The following MRNIP variants were observed in gnomAD, a reference collection of about 807,000 sequenced individuals.
MRNIP encodes the protein MRN complex interacting protein.
A neutral mutation model predicts 29.8 loss-of-function variants in MRNIP; 30 were observed. The ratio of observed to expected loss-of-function variants is 1.01; its 90% CI spans 0.75 to 1.36. MRNIP has a LOEUF of 1.36. Among genes scored for constraint, MRNIP ranks in the 40% most tolerant of loss-of-function variants. MRNIP has a pLI of 0.00. For missense variants in MRNIP, 459 were observed against 423.5 expected (o/e 1.08, Z -0.74); for synonymous variants, 201 against 164.1 (o/e 1.23, Z -1.72).
intron 2 of MRNIP, among the ~76,000 whole-genome samples, chr5:179,849,561 T>A (rs1464337613): frequency 1.3e-3 from 121 of 94,012 alleles, no homozygotes; most frequent in Middle Eastern, 9.6e-3. Flanking sequence ...ATGGAATTTG[T>A]GACCATGGGT....
At chr5:179,837,947 G>A (rs1358652562) in intron 6 of MRNIP, 62 bp from the exon 7 acceptor site, 24 of 1,491,194 alleles carry the variant, frequency 1.6e-5, no homozygotes, top group East Asian at 2.3e-5. Flanking sequence ...CAGGAGGACC[G>A]CCTGCCCTGC....
rs906905748 is a variant in MRNIP, at chr5:179,843,018, C to T, written c.292-954G>A. On this transcript the variant is annotated intron_variant, in intron 4 of 6. Coordinates refer to ENST00000292586, the MANE Select transcript of MRNIP (RefSeq NM_016175.4). ...ACTGCACTCCGGCTGGGGGACACAG[C>T]GAGACTCTGTCGAAAGGAGGAAAGA... Among the ~76,000 whole-genome samples the T allele has an allele frequency of 2.3e-4, 24 of 104,880 alleles. No homozygotes were observed. In the East Asian group the frequency reaches 4.4e-3, roughly 19 times the overall value. The allele number at this position is 104,880 out of a possible 152,430, so 68.8% of individuals were successfully genotyped here.
rs1249572435 is a variant in MRNIP, at chr5:179,844,173, C to T, written c.270G>A (p.Gln90=). The T allele has an allele frequency of 6.2e-7, 1 of 1,614,072 alleles. No homozygotes were observed. The highest frequency in any genetic ancestry group is 1.3e-5 in the African/African-American group (1 of 74,938). Residue 90 remains glutamine (Q), a synonymous_variant, in exon 4 of 7, where the codon CAG becomes CAA. Transcript: ENST00000292586. The part of the protein sequence containing the change: ...ASEEENVGHQ[Q]AGNVKQQEKS... ...TTACCTGCTGCTTCACATTCCCAGCCTGCTGGTGTCCCACGTTTTCTTCTT... is the reference window on the plus strand; with the variant it reads ...TTACCTGCTGCTTCACATTCCCAGCTTGCTGGTGTCCCACGTTTTCTTCTT...
chr5:179,845,128 G>C (rs905758808), intron 3 of MRNIP, among the ~76,000 whole-genome samples: 1 of 151,988 alleles, frequency 6.6e-6, no homozygotes, highest in Non-Finnish European at 1.5e-5. Flanking sequence ...TAATTTTCTA[G>C]ATTTATCTTC....
Position 179,844,222 on chromosome 5 carries a change from A to G in MRNIP, c.221T>C (p.Leu74Pro). 1 of 1,613,826 alleles carries G rather than the reference A, an allele frequency of 6.2e-7. No individual in the cohort carries two copies. Among genetic ancestry groups the G allele is most frequent in the Middle Eastern group, 1.6e-4 (1 of 6,062 alleles). The change falls in exon 4 of 7, where the codon CTA becomes CCA. Residue 74 changes from leucine to proline, a missense_variant. Physicochemically the swap from Leu to Pro is moderately conservative, Grantham distance 98. Transcript: ENST00000292586. ...TTCACTGGCACTGACAGTTTCTTCT[A>G]GAGACCTTCAGGGAAGACCATACAT... Reference protein sequence around the residue: ...GQVSELPLRSLEETVSASEEE... With the variant: ...GQVSELPLRSPEETVSASEEE...
rs10060182 is a variant in MRNIP at position 179,858,752 on chromosome 5, G to A, written c.45C>T (p.Cys15=). ...AGACCTGGTGCGCCTGGAAGAGGCG[G>A]CAGCTGCAGCAGCGTAGCACCCGAG... ...QRSRVLRCCS[C]RLFQAHQVKK... The change falls in exon 1 of 7, where the codon TGC becomes TGT. Residue 15 remains cysteine (C), a synonymous_variant. Transcript: ENST00000292586. The A allele has an allele frequency of 0.34, 520,115 of 1,528,362 alleles. 98,449 individuals are homozygous for A. Among genetic ancestry groups the A allele is most frequent in the East Asian group, 0.78 (30,944 of 39,506 alleles). The allele number at this position is 1,528,362 out of a possible 1,614,324, so 94.7% of individuals were successfully genotyped here.
At chr5:179,839,753 G>A (rs1758792580) in intron 6 of MRNIP, 2 of 152,502 alleles carry the variant, frequency 1.3e-5, no homozygotes, top group African/African-American at 4.8e-5. Context: ...CCCTTGCTGT[G>A]CCCTGGCTCC....
intron 4 of MRNIP, among the ~76,000 whole-genome samples, chr5:179,842,535 A>G (rs1351942500): frequency 7.0e-6 from 1 of 141,918 alleles, no homozygotes; most frequent in Non-Finnish European, 1.5e-5. Context: ...AACAACAACA[A>G]AAAAAAAACA....
In MRNIP at chr5:179,858,751, G is replaced by GGCAGCTGCA; in HGVS notation, c.37_45dup (p.Cys13_Cys15dup). The GGCAGCTGCA allele has an allele frequency of 6.5e-7, 1 of 1,533,056 alleles. No individual in the cohort carries two copies. Among genetic ancestry groups the GGCAGCTGCA allele is most frequent in the African/African-American group, 1.4e-5 (1 of 72,710 alleles). 95.0% of individuals were successfully genotyped at this position (1,533,056 alleles called of 1,614,324 possible). A position where few individuals can be genotyped will look rare whatever the true frequency, so the allele number is the denominator to read the frequency against. ...CAGACCTGGTGCGCCTGGAAGAGGC[G>GGCAGCTGCA]GCAGCTGCAGCAGCGTAGCACCCGA... On this transcript the variant is annotated inframe_insertion, in exon 1 of 7. Coordinates refer to ENST00000292586, the MANE Select transcript of MRNIP (RefSeq NM_016175.4).
intron 1 of MRNIP, among the ~76,000 whole-genome samples, chr5:179,855,453 C>G (rs1036259329): frequency 6.6e-6 from 1 of 152,022 alleles, no homozygotes; most frequent in Non-Finnish European, 1.5e-5. Flanking sequence ...ATTTTTTATC[C>G]GAAAACCAAC....
At chr5:179,850,393 A>C (rs1213870085) in intron 2 of MRNIP, among the ~76,000 whole-genome samples, 1 of 152,230 alleles carries the variant, frequency 6.6e-6, no homozygotes, top group Non-Finnish European at 1.5e-5. Flanking sequence ...TGCTGGGACA[A>C]TGGAGCACAT....
Position 179,842,068 on chromosome 5 carries a change from C to T in MRNIP, c.292-4G>A. The stretch of plus-strand genomic sequence containing the variant: ...TCTCTGAGGGCTGCGATTTTTCCTG[C>T]CAGATTGAGAAAAAAGTTGATTCTC... On this transcript the variant is annotated splice_region_variant and splice_polypyrimidine_tract_variant and intron_variant, in intron 4 of 6. Coordinates refer to ENST00000292586, the MANE Select transcript of MRNIP (RefSeq NM_016175.4). 6.2e-7 allele frequency: 1 copy of T among 1,611,300 alleles called. No homozygotes were observed.
chr5:179,841,678 G>A (rs913727160), intron 5 of MRNIP: 2 of 585,194 alleles, frequency 3.4e-6, no homozygotes, highest in Non-Finnish European at 3.0e-6. Context: ...CATCATAAAG[G>A]GTGTGCACAC....
Position 179,840,712 on chromosome 5 carries a change from G to A in MRNIP, c.537+160C>T, listed in dbSNP as rs1036641631. The A allele has an allele frequency of 7.7e-6, 5 of 647,536 alleles. No individual in the cohort carries two copies. In the African/African-American group the frequency reaches 9.0e-5, roughly 12 times the overall value. 40.1% of individuals were successfully genotyped at this position (647,536 alleles called of 1,614,324 possible). On this transcript the variant is annotated intron_variant, in intron 6 of 6. Transcript: ENST00000292586. The stretch of plus-strand genomic sequence containing the variant: ...AGGGAAAAGGGGGTACAGACCCGAG[G>A]AAGGAGTTGGCTTCAGACAGAAAAG...
rs1759032099 is a variant in MRNIP at position 179,844,243 on chromosome 5, T to C, written c.216-16A>G. 3 of 1,608,208 alleles carry C rather than the reference T, an allele frequency of 1.9e-6. No homozygotes were observed. The highest frequency in any genetic ancestry group is 4.5e-5 in the East Asian group (2 of 44,850). ...TTCTAGAGACCTTCAGGGAAGACCA[T>C]ACATATGCCCTTTGAAAAATGACCA... On this transcript the variant is annotated splice_polypyrimidine_tract_variant and intron_variant, in intron 3 of 6. Transcript: ENST00000292586.
chr5:179,844,378 C>T, intron 3 of MRNIP, 151 bp from the exon 4 acceptor site: 4 of 614,124 alleles, frequency 6.5e-6, no homozygotes, highest in Non-Finnish European at 5.8e-6. Flanking sequence ...CACGGTGGTG[C>T]ATACCTATAT....
At chr5:179,838,039 G>T (rs1383051663) in intron 6 of MRNIP, 154 bp from the exon 7 acceptor site, 1 of 670,040 alleles carries the variant, frequency 1.5e-6, no homozygotes, top group Non-Finnish European at 2.5e-6. Context: ...TTGAGGGTTA[G>T]CAAGACAAAG....
chr5:179,837,600 C>A lies in MRNIP; in HGVS notation c.823G>T (p.Gly275Cys). 1.9e-6 allele frequency: 3 copies of A among 1,614,058 alleles called. No homozygotes were observed. Among genetic ancestry groups the A allele is most frequent in the Non-Finnish European group, 2.5e-6 (3 of 1,179,932 alleles). Residue 275 changes from glycine (G) to cysteine (C), a missense_variant, in exon 7 of 7, where the codon GGC (glycine) becomes TGC (cysteine). Coordinates refer to ENST00000292586, the MANE Select transcript of MRNIP (RefSeq NM_016175.4). ...GTPRAQASRE[G>C]LSRPTAAVQL... ...ACAGCGGCAGTGGGCCTGCTGAGGC[C>A]TTCTCTTGAGGCCTGTGCTCTGGGG... is the stretch of plus-strand genomic sequence containing the variant.
chr5:179,843,041 A>AGAAGGAAAGAAG (rs1554093094), intron 4 of MRNIP, among the ~76,000 whole-genome samples: 4 of 106,202 alleles, frequency 3.8e-5, no homozygotes, highest in Non-Finnish European at 5.3e-5. Flanking sequence ...AAAGGAGGAA[A>AGAAGGAAAGAAG]GAAGGAAGGA....
Sources: gnomAD v4.1 joint callset for allele counts (sites outside exome capture counted in the v4.1 genomes callset) on GRCh38, gnomAD v4.1.1 for gene constraint, MANE v1.5 for transcripts, NCBI Gene and HGNC (gene_info 2026-07-23, HGNC 2026-07-21) for gene names.